Variants in NUGGC observed in about 807,000 individuals in gnomAD.
The protein encoded by NUGGC is nuclear GTPase, germinal center associated.
A neutral mutation model predicts 92.6 loss-of-function variants in NUGGC; 58 were observed. The observed-to-expected ratio is 0.63, with a 90% CI of 0.51 to 0.78. NUGGC has a LOEUF of 0.78. Among genes scored for constraint, NUGGC ranks in the 30% least tolerant of loss-of-function variants. The probability of loss-of-function intolerance (pLI) is 0.00; values close to 1 mark genes in which losing one functional copy is unlikely to be tolerated. For synonymous variants in NUGGC, 376 were observed against 366.4 expected (o/e 1.03, Z -0.30); for missense variants, 925 against 964.6 (o/e 0.96, Z 0.54).
At position 28,058,010 on chromosome 8, in the gene NUGGC, G is replaced by A. The variant is rs141452630; in HGVS notation, c.1116+248C>T. ...GGTTCAAAACCAGCCTGGCCAACGTGGTGAAACCCCATCTCTACTAAAAAT... is the reference window on the plus strand; with the variant it reads ...GGTTCAAAACCAGCCTGGCCAACGTAGTGAAACCCCATCTCTACTAAAAAT... On this transcript the variant is annotated intron_variant, in intron 9 of 18. Coordinates refer to ENST00000413272, the MANE Select transcript of NUGGC (RefSeq NM_001010906.2). 8.2e-3 allele frequency among the ~76,000 whole-genome samples: 1,241 copies of A among 152,190 alleles called. 20 individuals carry two copies. Among genetic ancestry groups the A allele is most frequent in the African/African-American group, 0.029 (1,211 of 41,526 alleles).
chr8:28,037,797 C>A (rs1563216869), intron 13 of NUGGC, among the ~76,000 whole-genome samples: 1 of 152,202 alleles, frequency 6.6e-6, no homozygotes, highest in Admixed American at 6.5e-5. Context: ...TTCCTCTAGA[C>A]CAGTGATTCT....
chr8:28,078,685 A>T lies in NUGGC; in HGVS notation c.-46-4229T>A, dbSNP rs549687850. 3.3e-5 allele frequency among the ~76,000 whole-genome samples: 5 copies of T among 152,296 alleles called. No individual in the cohort carries two copies. In the South Asian group the frequency reaches 1.0e-3, roughly 32 times the overall value. Reference sequence around the variant, plus strand: ...AATGTCACCTGTCATTGAAACTGAGACCGTACCAATGATTAGGGCTTCCGT... The same window carrying T: ...AATGTCACCTGTCATTGAAACTGAGTCCGTACCAATGATTAGGGCTTCCGT... On this transcript the variant is annotated intron_variant, in intron 1 of 18. Transcript: ENST00000413272.
chr8:28,030,670 C>T (rs1809395041), intron 15 of NUGGC, among the ~76,000 whole-genome samples: 1 of 152,190 alleles, frequency 6.6e-6, no homozygotes, highest in Middle Eastern at 3.2e-3. Flanking sequence ...CTGAGTTGAA[C>T]TCAGGCACAG....
intron 16 of NUGGC, 75 bp from the exon 17 acceptor site, chr8:28,029,477 G>T: frequency 6.5e-7 from 1 of 1,537,166 alleles, no homozygotes; most frequent in Non-Finnish European, 8.9e-7. Context: ...GGCCGGGCAT[G>T]GTGGCTCACA....
intron 17 of NUGGC, among the ~76,000 whole-genome samples, chr8:28,028,892 C>A (rs561693149): frequency 6.6e-6 from 1 of 152,148 alleles, no homozygotes; most frequent in Non-Finnish European, 1.5e-5. Flanking sequence ...GACAGGCTTC[C>A]CAATCCCAAA....
intron 18 of NUGGC, among the ~76,000 whole-genome samples, chr8:28,024,636 T>A (rs981276851): frequency 6.6e-6 from 1 of 152,202 alleles, no homozygotes; most frequent in Non-Finnish European, 1.5e-5. Flanking sequence ...CTAATCCCCC[T>A]TGGCTTTCTG....
rs1327563958 is a variant in NUGGC at position 28,031,398 on chromosome 8, C to A, written c.1770-17G>T. On this transcript the variant is annotated splice_polypyrimidine_tract_variant and intron_variant, in intron 14 of 18. Coordinates refer to ENST00000413272, the MANE Select transcript of NUGGC (RefSeq NM_001010906.2). ...TTCCCCGTCCTACGGAAGAAAGTGA[C>A]AAAAAAGTTTAAGAGAATGGTGGCT... The A allele has an allele frequency of 6.2e-7, 1 of 1,607,962 alleles. No individual in the cohort carries two copies. Among genetic ancestry groups the A allele is most frequent in the South Asian group, 1.1e-5 (1 of 90,218 alleles).
intron 7 of NUGGC, among the ~76,000 whole-genome samples, chr8:28,062,215 C>T (rs1017198238): frequency 3.9e-5 from 6 of 152,170 alleles, no homozygotes; most frequent in African/African-American, 1.4e-4. Flanking sequence ...TAGGGCCACA[C>T]GACGATGGAT....
chr8:28,077,016 G>A (rs909726632), intron 1 of NUGGC, among the ~76,000 whole-genome samples: 7 of 152,206 alleles, frequency 4.6e-5, no homozygotes, highest in South Asian at 2.1e-4. Context: ...ACCTAATAAC[G>A]ACATTGAGAT....
Position 28,064,682 on chromosome 8 carries a change from C to G in NUGGC, c.761G>C (p.Arg254Thr), listed in dbSNP as rs780042499. Residue 254 changes from arginine to threonine, a missense_variant, in exon 7 of 19, where the codon AGA becomes ACA. Coordinates refer to ENST00000413272, the MANE Select transcript of NUGGC (RefSeq NM_001010906.2). ...CTCAGCGGCCTCTCCATCCCAATCT[C>G]TCCTCTGTGTGCGGATGTAGGGGTC... ...KLDPYIRTQR[R>T]DWDGEAAEMR... 6.2e-7 allele frequency: 1 copy of G among 1,614,042 alleles called. No individual in the cohort carries two copies. The highest frequency in any genetic ancestry group is 1.3e-5 in the African/African-American group (1 of 75,056).
chr8:28,035,173 G>A (rs930345905), intron 13 of NUGGC, among the ~76,000 whole-genome samples: 35 of 152,130 alleles, frequency 2.3e-4, no homozygotes, highest in African/African-American at 4.3e-4. Flanking sequence ...TCATGCCTTC[G>A]TCCTCTCAGC....
chr8:28,067,814 C>A (rs991547892), intron 5 of NUGGC, 70 bp from the exon 6 acceptor site: 2 of 1,236,390 alleles, frequency 1.6e-6, no homozygotes, highest in Non-Finnish European at 2.3e-6. Context: ...CAGAGGGGCC[C>A]ATTGCCCCCT....
At chr8:28,080,117 T>A (rs780701354) in intron 1 of NUGGC, among the ~76,000 whole-genome samples, 9 of 152,040 alleles carry the variant, frequency 5.9e-5, no homozygotes, top group Non-Finnish European at 1.2e-4. Context: ...AATTTTTGTA[T>A]CTCTAGTAGA....
chr8:28,073,877 T>G (rs1810652795), intron 2 of NUGGC, among the ~76,000 whole-genome samples: 1 of 152,100 alleles, frequency 6.6e-6, no homozygotes, highest in Non-Finnish European at 1.5e-5. Context: ...TGGCTCACTG[T>G]GACCTCCGCC....
At position 28,026,974 on chromosome 8, in the gene NUGGC, T is replaced by C; in HGVS notation, c.2233A>G (p.Lys745Glu). The C allele has an allele frequency of 1.9e-6, 3 of 1,612,734 alleles. No homozygotes were observed. The highest frequency in any genetic ancestry group is 2.5e-6 in the Non-Finnish European group (3 of 1,178,736). Residue 745 changes from lysine to glutamate, a missense_variant, in exon 18 of 19, where the codon AAG becomes GAG. Lys to Glu is a moderately conservative substitution (Grantham distance 56). Transcript: ENST00000413272. ...TTGGCGTATTTACCTGCAAGCTCCT[T>C]GTAGAGGCCATCCCCCTGGGACGAA... ...LASSQGDGLYKELADVGSEYK... is the reference protein window; with the variant it reads ...LASSQGDGLYEELADVGSEYK...
chr8:28,025,300 C>A (rs1036647872), intron 18 of NUGGC, among the ~76,000 whole-genome samples: 2 of 152,186 alleles, frequency 1.3e-5, no homozygotes, highest in African/African-American at 2.4e-5. Flanking sequence ...TAAAGTATGA[C>A]CCCCTGACAT....
At chr8:28,082,515 T>C (rs1460482278) in intron 1 of NUGGC, among the ~76,000 whole-genome samples, 1 of 152,236 alleles carries the variant, frequency 6.6e-6, no homozygotes, top group Admixed American at 6.5e-5. Flanking sequence ...GAATGATTAA[T>C]GACTTGCCTA....
intron 17 of NUGGC, among the ~76,000 whole-genome samples, chr8:28,028,697 C>G (rs1397465986): frequency 1.3e-5 from 2 of 152,100 alleles, no homozygotes; most frequent in African/African-American, 4.8e-5. Context: ...GCATTTAGGC[C>G]CAAGGAAACC....
intron 13 of NUGGC, among the ~76,000 whole-genome samples, chr8:28,033,991 T>G (rs1809489772): frequency 6.6e-6 from 1 of 152,216 alleles, no homozygotes; most frequent in Non-Finnish European, 1.5e-5. Flanking sequence ...ACTCAGCCAT[T>G]AGCTCATTGA....
Sources: gnomAD v4.1 joint callset for allele counts (sites outside exome capture counted in the v4.1 genomes callset) on GRCh38, gnomAD v4.1.1 for gene constraint, MANE v1.5 for transcripts, NCBI Gene and HGNC (gene_info 2026-07-23, HGNC 2026-07-21) for gene names.